The following BMP6 variants were observed in gnomAD, a reference collection of about 807,000 sequenced individuals.
The protein encoded by BMP6 is bone morphogenetic protein 6, also known as VG-1-R.
BMP6 carries 17 observed loss-of-function variants against 54.1 expected under a neutral mutation model. The ratio of observed to expected loss-of-function variants is 0.31; its 90% CI spans 0.22 to 0.47. BMP6 has a LOEUF of 0.47. Ranked by LOEUF, BMP6 falls within the 20% of genes least tolerant of loss-of-function variation. The pLI is 1.00. For missense variants in BMP6, 720 were observed against 690.4 expected (o/e 1.04, Z -0.48); for synonymous variants, 328 against 291.2 (o/e 1.13, Z -1.28).
intron 1 of BMP6, among the ~76,000 whole-genome samples, chr6:7,765,066 ATTCC>A (rs1362801402): frequency 6.6e-6 from 1 of 152,172 alleles, no homozygotes; most frequent in African/African-American, 2.4e-5. Flanking sequence ...TTGCAGTTGT[ATTCC>A]TCCCTGCTCC....
At chr6:7,823,999 A>T (rs1318611628) in intron 1 of BMP6, among the ~76,000 whole-genome samples, 1 of 152,174 alleles carries the variant, frequency 6.6e-6, no homozygotes. Context: ...TGTAGAGAAT[A>T]GGCTGGAGGG....
At chr6:7,733,845 A>G (rs576106409) in intron 1 of BMP6, among the ~76,000 whole-genome samples, 1 of 152,322 alleles carries the variant, frequency 6.6e-6, no homozygotes, top group East Asian at 1.9e-4. Context: ...TGATAGTTGT[A>G]TGAAGGGGAA....
At chr6:7,866,874 T>C (rs753990953) in intron 4 of BMP6, among the ~76,000 whole-genome samples, 3 of 152,124 alleles carry the variant, frequency 2.0e-5, no homozygotes, top group Non-Finnish European at 4.4e-5. Context: ...CATTTCTTTT[T>C]TGTTTGTTTG....
At chr6:7,813,143 A>ATATATATATATG (rs1354797803) in intron 1 of BMP6, among the ~76,000 whole-genome samples, 3 of 105,696 alleles carry the variant, frequency 2.8e-5, no homozygotes, top group East Asian at 3.1e-4. Flanking sequence ...ATATATATAT[A>ATATATATATATG]TATATAAAAT....
At chr6:7,848,887 G>A (rs1011052653) in intron 2 of BMP6, among the ~76,000 whole-genome samples, 11 of 152,296 alleles carry the variant, frequency 7.2e-5, no homozygotes, top group African/African-American at 2.6e-4. Flanking sequence ...CATTCATATA[G>A]TAGTTACAGT....
In BMP6 at chr6:7,727,596, T is replaced by G. The variant is rs763240116; in HGVS notation, c.641T>G (p.Met214Arg). The G allele has an allele frequency of 6.3e-7, 1 of 1,576,324 alleles. No individual in the cohort carries two copies. Among genetic ancestry groups the G allele is most frequent in the Non-Finnish European group, 8.5e-7 (1 of 1,170,464 alleles). Reference sequence around the variant, plus strand: ...AGCGCCTTCCTCAACGACGCGGACATGGTCATGAGCTTTGTGAACCTGGGT... The same window carrying G: ...AGCGCCTTCCTCAACGACGCGGACAGGGTCATGAGCTTTGTGAACCTGGGT... ...QDSAFLNDAD[M>R]VMSFVNLVEY... The change falls in exon 1 of 7, where the codon ATG becomes AGG. Residue 214 changes from methionine to arginine, a missense_variant. Physicochemically the swap from Met to Arg is moderately conservative, Grantham distance 91. Transcript: ENST00000283147.
chr6:7,733,186 T>G (rs1761897922), intron 1 of BMP6, among the ~76,000 whole-genome samples: 1 of 152,180 alleles, frequency 6.6e-6, no homozygotes, highest in Non-Finnish European at 1.5e-5. Context: ...GATTACAGGC[T>G]CACGCCACTG....
intron 4 of BMP6, among the ~76,000 whole-genome samples, chr6:7,869,646 C>T (rs1331127350): frequency 1.3e-5 from 2 of 152,150 alleles, no homozygotes; most frequent in East Asian, 1.9e-4. Context: ...TCACATGGGC[C>T]CCGGCAGCCT....
At chr6:7,740,034 CTGGG>C (rs1346334520) in intron 1 of BMP6, among the ~76,000 whole-genome samples, 51 of 152,308 alleles carry the variant, frequency 3.3e-4, no homozygotes, top group African/African-American at 1.1e-3. Context: ...GACCTGCACA[CTGGG>C]CTGAGACAGG....
At chr6:7,787,329 T>C (rs1338733962) in intron 1 of BMP6, among the ~76,000 whole-genome samples, 1 of 152,220 alleles carries the variant, frequency 6.6e-6, no homozygotes, top group East Asian at 1.9e-4. Context: ...GCTACACCTC[T>C]AAAACAGTTA....
chr6:7,746,212 A>T (rs1757345199), intron 1 of BMP6, among the ~76,000 whole-genome samples: 1 of 152,180 alleles, frequency 6.6e-6, no homozygotes, highest in African/African-American at 2.4e-5. Context: ...CTGGCACAGT[A>T]CTCGGCAGGG....
At chr6:7,742,943 C>G (rs984230220) in intron 1 of BMP6, among the ~76,000 whole-genome samples, 4 of 152,086 alleles carry the variant, frequency 2.6e-5, no homozygotes, top group African/African-American at 9.7e-5. Flanking sequence ...ATTTTGCACT[C>G]CCTACCAGAG....
chr6:7,827,193 T>C (rs922950090), intron 1 of BMP6, among the ~76,000 whole-genome samples: 3 of 152,206 alleles, frequency 2.0e-5, no homozygotes, highest in African/African-American at 7.2e-5. Context: ...CCACCCGCCA[T>C]GTAGCCCCAC....
chr6:7,793,492 G>A (rs996389367), intron 1 of BMP6, among the ~76,000 whole-genome samples: 1 of 152,074 alleles, frequency 6.6e-6, no homozygotes, highest in African/African-American at 2.4e-5. Flanking sequence ...ATACAACACC[G>A]AGAGTGAACT....
chr6:7,786,401 G>A (rs1490001055), intron 1 of BMP6, among the ~76,000 whole-genome samples: 8 of 151,182 alleles, frequency 5.3e-5, no homozygotes, highest in Non-Finnish European at 7.4e-5. Flanking sequence ...AATTCTGGTC[G>A]TGTGCTACAG....
chr6:7,845,070 C>CT, intron 1 of BMP6, 70 bp from the exon 2 acceptor site: 1 of 1,383,902 alleles, frequency 7.2e-7, no homozygotes, highest in Non-Finnish European at 1.0e-6. Context: ...AACGGGGAAA[C>CT]TGGTGAGGTA....
chr6:7,880,409 A>C lies in BMP6; in HGVS notation c.*66A>C. 1 of 1,595,068 alleles carries C rather than the reference A, an allele frequency of 6.3e-7. No homozygotes were observed. The highest frequency in any genetic ancestry group is 8.6e-7 in the Non-Finnish European group (1 of 1,165,514). On this transcript the variant is annotated 3_prime_UTR_variant, in exon 7 of 7. Transcript: ENST00000283147. ...TCCTAGATTACATCTGCCTTAAAAA[A>C]ACACGGAAGCACAGTTGGAGGTGGG... is the stretch of plus-strand genomic sequence containing the variant.
chr6:7,792,189 A>C (rs138103598), intron 1 of BMP6, among the ~76,000 whole-genome samples: 287 of 152,010 alleles, frequency 1.9e-3, no homozygotes, highest in Admixed American at 4.1e-3. Context: ...TACCTGGGAA[A>C]CCTCCGTTTT....
intron 1 of BMP6, among the ~76,000 whole-genome samples, chr6:7,752,200 C>A (rs1312312775): frequency 6.6e-6 from 1 of 152,216 alleles, no homozygotes; most frequent in Non-Finnish European, 1.5e-5. Context: ...TCAACTCTGT[C>A]ATGGCAGTGT....
Sources: gnomAD v4.1 joint callset for allele counts (sites outside exome capture counted in the v4.1 genomes callset) on GRCh38, gnomAD v4.1.1 for gene constraint, MANE v1.5 for transcripts, NCBI Gene and HGNC (gene_info 2026-07-23, HGNC 2026-07-21) for gene names.